Variants in ZBTB20 observed in about 807,000 individuals in gnomAD.
ZBTB20 encodes zinc finger and BTB domain containing 20.
Under a neutral mutation model 56.9 loss-of-function variants are expected in ZBTB20, and 9 were observed. The observed-to-expected ratio is 0.16, with a 90% CI of 0.10 to 0.28. ZBTB20 has a LOEUF of 0.28. Ranked by LOEUF, ZBTB20 falls within the 10% of genes least tolerant of loss-of-function variation. The probability of loss-of-function intolerance (pLI) is 1.00; values close to 1 mark genes in which losing one functional copy is unlikely to be tolerated. For missense variants in ZBTB20, 655 were observed against 1,003.0 expected (o/e 0.65, Z 4.69); for synonymous variants, 417 against 420.7 (o/e 0.99, Z 0.11).
intron 6 of ZBTB20, among the ~76,000 whole-genome samples, chr3:114,571,720 C>T (rs2053456196): frequency 6.6e-6 from 1 of 152,124 alleles, no homozygotes; most frequent in African/African-American, 2.4e-5. Context: ...TGCATCAGAA[C>T]CACCTGCTGA....
intron 5 of ZBTB20, among the ~76,000 whole-genome samples, chr3:114,798,232 T>C (rs1346804596): frequency 1.3e-5 from 2 of 151,826 alleles, no homozygotes; most frequent in Non-Finnish European, 2.9e-5. Context: ...AATGGTCTTA[T>C]GTCCACTTTG....
intron 4 of ZBTB20, among the ~76,000 whole-genome samples, chr3:114,886,562 CATGGACT>C (rs1401542583): frequency 1.3e-5 from 2 of 152,132 alleles, no homozygotes; most frequent in South Asian, 4.1e-4. Flanking sequence ...GTGAAAGTAC[CATGGACT>C]ATAAGAGTAT....
chr3:114,366,065 C>G (rs142609945), intron 10 of ZBTB20, among the ~76,000 whole-genome samples: 1 of 152,204 alleles, frequency 6.6e-6, no homozygotes. Context: ...TTGCTGAGCA[C>G]CTACTCCTAA....
intron 10 of ZBTB20, among the ~76,000 whole-genome samples, chr3:114,374,997 A>G (rs1043357100): frequency 1.3e-5 from 2 of 152,228 alleles, no homozygotes; most frequent in Non-Finnish European, 2.9e-5. Context: ...TTTCACTCAT[A>G]CAGACATACA....
chr3:115,087,084 T>A (rs956833522), intron 1 of ZBTB20, among the ~76,000 whole-genome samples: 1 of 151,816 alleles, frequency 6.6e-6, no homozygotes, highest in Admixed American at 6.6e-5. Flanking sequence ...AGTTATAAAC[T>A]TTATGGAAGT....
At position 114,823,292 on chromosome 3, in the gene ZBTB20, A is replaced by G. The variant is rs562727926; in HGVS notation, c.-416-22118T>C. Among the ~76,000 whole-genome samples, 3 of 152,230 alleles carry G rather than the reference A, an allele frequency of 2.0e-5. No homozygotes were observed. In the South Asian group the frequency reaches 6.2e-4, roughly 32 times the overall value. On this transcript the variant is annotated intron_variant, in intron 4 of 11. Transcript: ENST00000675478. ...GGCACACCACATGTTGCCCTGGAGT[A>G]GTGTACAATGAGAGGGATATTTTGG...
At chr3:114,535,029 G>A (rs975135457) in intron 6 of ZBTB20, among the ~76,000 whole-genome samples, 2 of 152,146 alleles carry the variant, frequency 1.3e-5, no homozygotes, top group African/African-American at 2.4e-5. Context: ...ATGCCCACAG[G>A]AGAAAACAGG....
chr3:114,905,549 G>T (rs1699777110), intron 3 of ZBTB20, among the ~76,000 whole-genome samples: 1 of 151,772 alleles, frequency 6.6e-6, no homozygotes, highest in African/African-American at 2.4e-5. Context: ...GTGGTAGGTA[G>T]GTCTTAAATA....
chr3:114,981,828 C>T (rs1329931688), intron 2 of ZBTB20, among the ~76,000 whole-genome samples: 4 of 152,004 alleles, frequency 2.6e-5, no homozygotes, highest in Admixed American at 2.6e-4. Context: ...CCATTTCCAG[C>T]TTTAATCTTT....
At chr3:114,406,516 T>C (rs1460301860) in intron 7 of ZBTB20, among the ~76,000 whole-genome samples, 1 of 152,134 alleles carries the variant, frequency 6.6e-6, no homozygotes. Context: ...TGGTCACTTA[T>C]AATGACGCAT....
intron 3 of ZBTB20, among the ~76,000 whole-genome samples, chr3:114,955,397 A>T (rs1024272120): frequency 2.0e-5 from 3 of 152,166 alleles, no homozygotes; most frequent in Non-Finnish European, 4.4e-5. Flanking sequence ...TTCTCTCCAC[A>T]TTGTTTGCAT....
chr3:114,856,259 G>T (rs976035711), intron 4 of ZBTB20, among the ~76,000 whole-genome samples: 1 of 152,102 alleles, frequency 6.6e-6, no homozygotes, highest in African/African-American at 2.4e-5. Flanking sequence ...TATCTAATTT[G>T]ATCTTCATGC....
chr3:115,013,102 A>C (rs1158217430), intron 2 of ZBTB20, among the ~76,000 whole-genome samples: 4 of 151,714 alleles, frequency 2.6e-5, no homozygotes, highest in Non-Finnish European at 4.4e-5. Context: ...TTAAGTACTT[A>C]CATGAAAAAA....
chr3:114,335,460 G>T lies in ZBTB20; in HGVS notation c.*3545C>A, dbSNP rs1453266030. 1 of 152,196 alleles carries T rather than the reference G, an allele frequency of 6.6e-6. No homozygotes were observed. Among genetic ancestry groups the T allele is most frequent in the Non-Finnish European group, 1.5e-5 (1 of 68,036 alleles). 9.4% of individuals were successfully genotyped at this position (152,196 alleles called of 1,614,324 possible). On this transcript the variant is annotated 3_prime_UTR_variant, in exon 12 of 12. Coordinates refer to ENST00000675478, the MANE Select transcript of ZBTB20 (RefSeq NM_001348800.3). ...ATTTGTGATTGTTTAACTTAAAAGT[G>T]AGAATTGACAATCTAAAAGCATCTC... is the stretch of plus-strand genomic sequence containing the variant.
chr3:114,619,687 A>C (rs2058185777), intron 6 of ZBTB20, among the ~76,000 whole-genome samples: 1 of 152,196 alleles, frequency 6.6e-6, no homozygotes, highest in Non-Finnish European at 1.5e-5. Context: ...TTAATGAATG[A>C]AACAGCACTA....
rs2079146916 is a variant in ZBTB20 at position 114,328,974 on chromosome 3, A to G, written c.*10031T>C. 6.6e-6 allele frequency: 1 copy of G among 152,228 alleles called. No homozygotes were observed. The highest frequency in any genetic ancestry group is 6.5e-5 in the Admixed American group (1 of 15,276). 9.4% of individuals were successfully genotyped at this position (152,228 alleles called of 1,614,324 possible). A position where few individuals can be genotyped will look rare whatever the true frequency, so the allele number is the denominator to read the frequency against. On this transcript the variant is annotated 3_prime_UTR_variant, in exon 12 of 12. Transcript: ENST00000675478. ...GAAGAAACAGCCTCACTAACAGTCA[A>G]TTCACAATTATGTTTGTCTAGTAGA...
chr3:115,020,343 T>C (rs2080153869), intron 2 of ZBTB20, among the ~76,000 whole-genome samples: 1 of 151,184 alleles, frequency 6.6e-6, no homozygotes, highest in Admixed American at 6.6e-5. Flanking sequence ...GCCTCAGTAT[T>C]TTCACAACAG....
At chr3:114,728,763 AAG>A (rs2065495633) in intron 5 of ZBTB20, among the ~76,000 whole-genome samples, 1 of 152,218 alleles carries the variant, frequency 6.6e-6, no homozygotes, top group Non-Finnish European at 1.5e-5. Context: ...TCAAGAGAAT[AAG>A]AGAGAGAATG....
chr3:114,403,058 C>T (rs952898212), intron 7 of ZBTB20, among the ~76,000 whole-genome samples: 17 of 152,218 alleles, frequency 1.1e-4, no homozygotes, highest in South Asian at 4.1e-4. Context: ...TTGTAGCTGA[C>T]GTGTAGATCA....
Sources: gnomAD v4.1 joint callset for allele counts (sites outside exome capture counted in the v4.1 genomes callset) on GRCh38, gnomAD v4.1.1 for gene constraint, MANE v1.5 for transcripts, NCBI Gene and HGNC (gene_info 2026-07-23, HGNC 2026-07-21) for gene names.